The following RBFOX1 variants were observed in gnomAD, a reference collection of about 807,000 sequenced individuals.
The protein encoded by RBFOX1 is RNA binding fox-1 homolog 1.
Under a neutral mutation model 57.7 loss-of-function variants are expected in RBFOX1, and 8 were observed. The observed-to-expected ratio is 0.14, with a 90% CI of 0.08 to 0.25. The LOEUF (loss-of-function observed/expected upper bound fraction) is 0.25, where lower values mean the gene tolerates loss of function less well. Ranked by LOEUF, RBFOX1 falls within the 10% of genes least tolerant of loss-of-function variation. RBFOX1 has a pLI of 1.00. For missense variants in RBFOX1, 611 were observed against 548.5 expected, an observed-to-expected ratio of 1.11 and a Z score of -1.14; for synonymous variants, 326 against 222.4, an observed-to-expected ratio of 1.47 and a Z score of -4.15.
chr16:6,646,073 C>T (rs1298300301), intron 2 of RBFOX1, among the ~76,000 whole-genome samples: 1 of 136,948 alleles, frequency 7.3e-6, no homozygotes, highest in Non-Finnish European at 1.5e-5. Context: ...GGTGATGAGT[C>T]CACAGCTCAA....
chr16:7,667,348 T>C (rs564334604), intron 13 of RBFOX1, among the ~76,000 whole-genome samples: 1 of 152,328 alleles, frequency 6.6e-6, no homozygotes, highest in Non-Finnish European at 1.5e-5. Context: ...AATATAAATA[T>C]GTTCTGCACC....
intron 4 of RBFOX1, among the ~76,000 whole-genome samples, chr16:7,377,394 A>G (rs1236152237): frequency 6.6e-6 from 1 of 152,198 alleles, no homozygotes. Flanking sequence ...CCTTATTCGT[A>G]TGTCATTATA....
intron 3 of RBFOX1, among the ~76,000 whole-genome samples, chr16:6,824,610 C>G (rs1206907740): frequency 6.6e-6 from 1 of 152,050 alleles, no homozygotes; most frequent in African/African-American, 2.4e-5. Flanking sequence ...GCTGTTTTGT[C>G]AACAGATTAC....
At chr16:6,826,531 C>G (rs1006183312) in intron 3 of RBFOX1, among the ~76,000 whole-genome samples, 1 of 152,164 alleles carries the variant, frequency 6.6e-6, no homozygotes, top group Non-Finnish European at 1.5e-5. Flanking sequence ...GCAGTGTGGG[C>G]ACAGTCTTCC....
intron 1 of RBFOX1, among the ~76,000 whole-genome samples, chr16:6,033,588 T>TTGTG (rs139964947): frequency 1.3e-5 from 2 of 151,640 alleles, no homozygotes. Context: ...TTCCCTCTCA[T>TTGTG]TGTGTGTGTG....
intron 4 of RBFOX1, among the ~76,000 whole-genome samples, chr16:7,278,093 T>G (rs2095474739): frequency 6.6e-6 from 1 of 152,190 alleles, no homozygotes; most frequent in East Asian, 1.9e-4. Flanking sequence ...ATTGGTTGCT[T>G]AATGAATCCA....
intron 4 of RBFOX1, among the ~76,000 whole-genome samples, chr16:7,335,178 C>A (rs1436066023): frequency 6.6e-6 from 1 of 152,212 alleles, no homozygotes; most frequent in Admixed American, 6.5e-5. Flanking sequence ...AGATGCTCAG[C>A]TCTGAGCCGA....
At chr16:7,448,348 A>G (rs923385557) in intron 4 of RBFOX1, among the ~76,000 whole-genome samples, 2 of 152,192 alleles carry the variant, frequency 1.3e-5, no homozygotes, top group South Asian at 2.1e-4. Context: ...TTTACAAAGA[A>G]AAAGAGGTTC....
intron 2 of RBFOX1, among the ~76,000 whole-genome samples, chr16:5,541,216 G>A (rs922238626): frequency 1.2e-4 from 18 of 152,112 alleles, no homozygotes; most frequent in African/African-American, 4.3e-4. Flanking sequence ...AAGCCCTGGA[G>A]TAGAGAATAA....
intron 2 of RBFOX1, among the ~76,000 whole-genome samples, chr16:6,559,499 A>C (rs1243932757): frequency 6.6e-6 from 1 of 152,098 alleles, no homozygotes; most frequent in Non-Finnish European, 1.5e-5. Context: ...TTTTTGAGAA[A>C]ACATGAATTT....
Position 7,129,368 on chromosome 16 carries a change from C to T in RBFOX1, c.27+77270C>T, listed in dbSNP as rs146132607. ...GGTACAGGAGTCAGCCCTACCTAAA[C>T]CATGGGTACTGGAAGTGGCATAGGA... On this transcript the variant is annotated intron_variant, in intron 4 of 15. Transcript: ENST00000550418. Among the ~76,000 whole-genome samples, 181 of 152,132 alleles carry T rather than the reference C, an allele frequency of 1.2e-3. 2 individuals are homozygous for T. The East Asian group carries it at 0.02, about 17-fold the overall frequency.
intron 1 of RBFOX1, among the ~76,000 whole-genome samples, chr16:6,314,789 A>G (rs12149669): frequency 0.15 from 22,992 of 152,228 alleles, 1,996 homozygotes; most frequent in South Asian, 0.24. Context: ...TACAACTACT[A>G]TAATTATTAG....
At chr16:7,187,010 A>G (rs2084015098) in intron 4 of RBFOX1, among the ~76,000 whole-genome samples, 1 of 150,596 alleles carries the variant, frequency 6.6e-6, no homozygotes, top group Admixed American at 6.6e-5. Flanking sequence ...AAAAAAAAAA[A>G]AAAAAAAATT....
At chr16:7,504,247 A>C (rs949194876) in intron 4 of RBFOX1, among the ~76,000 whole-genome samples, 2 of 151,996 alleles carry the variant, frequency 1.3e-5, no homozygotes, top group African/African-American at 4.8e-5. Flanking sequence ...GGTTGCATTG[A>C]TGGAAGTTCT....
intron 3 of RBFOX1, among the ~76,000 whole-genome samples, chr16:6,981,138 T>C (rs958052063): frequency 6.6e-6 from 1 of 151,926 alleles, no homozygotes; most frequent in African/African-American, 2.4e-5. Flanking sequence ...TAATTTTAAA[T>C]TTACAGGTAC....
intron 2 of RBFOX1, among the ~76,000 whole-genome samples, chr16:6,572,371 T>C (rs1181249393): frequency 6.6e-6 from 1 of 152,198 alleles, no homozygotes; most frequent in African/African-American, 2.4e-5. Context: ...ACATTAAAGG[T>C]TGAAGAACGT....
chr16:5,794,077 G>A (rs567186394), intron 3 of RBFOX1, among the ~76,000 whole-genome samples: 2 of 152,096 alleles, frequency 1.3e-5, no homozygotes, highest in African/African-American at 2.4e-5. Context: ...TTGGAGCCTC[G>A]ACCTTGACAT....
At chr16:5,463,473 C>T (rs1257216033) in intron 1 of RBFOX1, among the ~76,000 whole-genome samples, 3 of 151,856 alleles carry the variant, frequency 2.0e-5, no homozygotes, top group Admixed American at 6.6e-5. Context: ...TAAATGGATC[C>T]AAGTGCTTAA....
chr16:5,523,529 T>C (rs907483193), intron 2 of RBFOX1, among the ~76,000 whole-genome samples: 2 of 151,772 alleles, frequency 1.3e-5, no homozygotes, highest in African/African-American at 4.9e-5. Context: ...GGCAGGAGGA[T>C]CACCTGAGCC....
Sources: gnomAD v4.1 joint callset for allele counts (sites outside exome capture counted in the v4.1 genomes callset) on GRCh38, gnomAD v4.1.1 for gene constraint, MANE v1.5 for transcripts, NCBI Gene and HGNC (gene_info 2026-07-23, HGNC 2026-07-21) for gene names.